TMEM14A: variants seen among roughly 807,000 people sequenced by gnomAD.
TMEM14A encodes the protein transmembrane protein 14A.
A neutral mutation model predicts 11.6 loss-of-function variants in TMEM14A; 8 were observed. That is an observed-to-expected ratio of 0.69 (90% CI 0.40 to 1.24). The LOEUF (loss-of-function observed/expected upper bound fraction) is 1.24. Among genes scored for constraint, TMEM14A ranks in the 50% most tolerant of loss-of-function variants. The pLI is 0.01. For missense variants in TMEM14A, 108 were observed against 121.9 expected, an observed-to-expected ratio of 0.89 and a Z score of 0.54; for synonymous variants, 34 against 45.5, an observed-to-expected ratio of 0.75 and a Z score of 1.02.
chr6:52,682,341 G>A (rs921107447), intron 3 of TMEM14A, among the ~76,000 whole-genome samples: 15 of 152,162 alleles, frequency 9.9e-5, no homozygotes, highest in African/African-American at 3.1e-4. Context: ...CAAGGCTGAC[G>A]CTTTTTTAGC....
At chr6:52,675,131 C>T (rs1393347038) in intron 1 of TMEM14A, among the ~76,000 whole-genome samples, 4 of 152,154 alleles carry the variant, frequency 2.6e-5, no homozygotes, top group Non-Finnish European at 5.9e-5. Flanking sequence ...GATCCACCAG[C>T]CTCTGCCTTC....
chr6:52,677,339 G>A (rs1361682125), intron 2 of TMEM14A, among the ~76,000 whole-genome samples, 167 bp downstream of exon 2: 4 of 152,164 alleles, frequency 2.6e-5, no homozygotes, highest in Non-Finnish European at 4.4e-5. Context: ...CTTCCGTGGG[G>A]CTGAGCATGA....
At chr6:52,676,253 G>T (rs1412426967) in intron 1 of TMEM14A, among the ~76,000 whole-genome samples, 1 of 152,070 alleles carries the variant, frequency 6.6e-6, no homozygotes, top group Admixed American at 6.6e-5. Context: ...GGTGAAGTTT[G>T]AACCTCTTTT....
chr6:52,679,627 C>T (rs901584144), intron 2 of TMEM14A, among the ~76,000 whole-genome samples: 1 of 152,166 alleles, frequency 6.6e-6, no homozygotes, highest in Non-Finnish European at 1.5e-5. Flanking sequence ...TTTCTTGTAG[C>T]CCCCACTATG....
At chr6:52,684,301 T>TA in intron 4 of TMEM14A, 136 bp downstream of exon 4, 1 of 716,414 alleles carries the variant, frequency 1.4e-6, no homozygotes. Flanking sequence ...AACCTTAAGA[T>TA]AGCATGGATT....
intron 1 of TMEM14A, among the ~76,000 whole-genome samples, chr6:52,675,083 A>G (rs1297896281): frequency 1.3e-5 from 2 of 152,054 alleles, no homozygotes; most frequent in African/African-American, 2.4e-5. Flanking sequence ...GGGTTTCACC[A>G]TGTTGACTGG....
intron 1 of TMEM14A, 104 bp from the exon 2 acceptor site, chr6:52,676,983 G>A (rs1769268151): frequency 2.0e-6 from 2 of 1,012,808 alleles, no homozygotes; most frequent in Non-Finnish European, 3.0e-6. Flanking sequence ...ATGAAATTTG[G>A]GTGGGGACAC....
Position 52,679,000 on chromosome 6 carries a change from G to A in TMEM14A, c.70+1828G>A, listed in dbSNP as rs530349473. On this transcript the variant is annotated intron_variant, in intron 2 of 4. Transcript: ENST00000211314. Reference sequence around the variant, plus strand: ...TGAGTCCTATGTAGCTGGGCCAGGAGACCCTTCTACGGGACAGTTATTGAG... The same window carrying A: ...TGAGTCCTATGTAGCTGGGCCAGGAAACCCTTCTACGGGACAGTTATTGAG... 2.1e-3 allele frequency among the ~76,000 whole-genome samples: 322 copies of A among 152,310 alleles called. 2 individuals are homozygous for A. The highest frequency in any genetic ancestry group is 7.5e-3 in the African/African-American group (310 of 41,570).
intron 2 of TMEM14A, among the ~76,000 whole-genome samples, chr6:52,677,778 T>TA (rs1160805777): frequency 2.6e-5 from 4 of 152,214 alleles, no homozygotes; most frequent in African/African-American, 7.2e-5. Flanking sequence ...AACTGTCTCT[T>TA]ACGTTTTAAT....
chr6:52,671,716 G>A (rs1048418999), intron 1 of TMEM14A, among the ~76,000 whole-genome samples: 4 of 152,192 alleles, frequency 2.6e-5, no homozygotes, highest in African/African-American at 7.2e-5. Flanking sequence ...GAGGATTTGG[G>A]GCGGGCAGCG....
At chr6:52,684,209 T>G (rs1316583701) in intron 4 of TMEM14A, 44 bp downstream of exon 4, 2 of 1,553,732 alleles carry the variant, frequency 1.3e-6, no homozygotes, top group Non-Finnish European at 1.7e-6. Flanking sequence ...TGCTGTTGTT[T>G]TGAAGTGCTG....
intron 2 of TMEM14A, among the ~76,000 whole-genome samples, chr6:52,680,579 ATATATTTATATATT>A (rs1159596788): frequency 1.7e-5 from 1 of 57,560 alleles, no homozygotes. Context: ...CTAAGCCACT[ATATATTTATATATT>A]TATATATATA....
chr6:52,681,563 C>A (rs149008222), intron 2 of TMEM14A, among the ~76,000 whole-genome samples: 350 of 152,278 alleles, frequency 2.3e-3, no homozygotes, highest in African/African-American at 8.0e-3. Flanking sequence ...TCTTATTTCC[C>A]CAAGTGACAT....
At chr6:52,682,591 T>G (rs1372105982) in intron 3 of TMEM14A, among the ~76,000 whole-genome samples, 1 of 24,236 alleles carries the variant, frequency 4.1e-5, no homozygotes, top group Non-Finnish European at 6.7e-5. Flanking sequence ...AGTGAGAGAT[T>G]TGGGGTTTTT....
chr6:52,683,556 G>GT (rs1304552287), intron 3 of TMEM14A, among the ~76,000 whole-genome samples: 1 of 151,906 alleles, frequency 6.6e-6, no homozygotes, highest in Non-Finnish European at 1.5e-5. Flanking sequence ...TAACATGTTT[G>GT]TTTACCCAGA....
At position 52,686,455 on chromosome 6, in the gene TMEM14A, G is replaced by T. The variant is rs1416426844; in HGVS notation, c.*406G>T. 1.8e-5 allele frequency: 7 copies of T among 386,088 alleles called. No individual in the cohort carries two copies. 23.9% of individuals were successfully genotyped at this position (386,088 alleles called of 1,614,324 possible). A position where few individuals can be genotyped will look rare whatever the true frequency, so the allele number is the denominator to read the frequency against. On this transcript the variant is annotated 3_prime_UTR_variant, in exon 5 of 5. Transcript: ENST00000211314. Reference sequence around the variant, plus strand: ...ATTTGTGTTATATTTGAAATTATTAGAAATTATGCTTTTTCCATTTTAATT... The same window carrying T: ...ATTTGTGTTATATTTGAAATTATTATAAATTATGCTTTTTCCATTTTAATT...
Position 52,681,858 on chromosome 6 carries a change from C to T in TMEM14A, c.116C>T (p.Ala39Val). Residue 39 changes from alanine to valine, a missense_variant, in exon 3 of 5, where the codon GCC becomes GTC. Physicochemically the swap from Ala to Val is moderately conservative, Grantham distance 64. Coordinates refer to ENST00000211314, the MANE Select transcript of TMEM14A (RefSeq NM_014051.4). The stretch of plus-strand genomic sequence containing the variant: ...GCTGGTCTTTTTGTTGGATGTTTGG[C>T]CGGCTATGGAGCTTACCGTGTCTCC... ...LIAGLFVGCLAGYGAYRVSND... is the reference protein window; with the variant it reads ...LIAGLFVGCLVGYGAYRVSND... 6.2e-7 allele frequency: 1 copy of T among 1,614,012 alleles called. No individual in the cohort carries two copies. Among genetic ancestry groups the T allele is most frequent in the African/African-American group, 1.3e-5 (1 of 74,986 alleles).
chr6:52,679,916 G>T (rs1251389323), intron 2 of TMEM14A, among the ~76,000 whole-genome samples: 2 of 152,066 alleles, frequency 1.3e-5, no homozygotes, highest in East Asian at 1.9e-4. Flanking sequence ...AACCTTCAGG[G>T]TATACAGAAA....
intron 2 of TMEM14A, among the ~76,000 whole-genome samples, chr6:52,679,854 C>T (rs913148823): frequency 3.6e-5 from 4 of 110,078 alleles, no homozygotes; most frequent in African/African-American, 1.4e-4. Context: ...CTTAAGTGTG[C>T]GTGTTTGGTG....
Sources: gnomAD v4.1 joint callset for allele counts (sites outside exome capture counted in the v4.1 genomes callset) on GRCh38, gnomAD v4.1.1 for gene constraint, MANE v1.5 for transcripts, NCBI Gene and HGNC (gene_info 2026-07-23, HGNC 2026-07-21) for gene names.